The following DCC variants were observed in gnomAD, a reference collection of about 807,000 sequenced individuals.
The protein encoded by DCC is DCC netrin 1 receptor.
A neutral mutation model predicts 172.5 loss-of-function variants in DCC; 58 were observed. The ratio of observed to expected loss-of-function variants is 0.34; its 90% confidence interval spans 0.27 to 0.42. DCC has a LOEUF of 0.42. Among genes scored for constraint, DCC ranks in the 10% least tolerant of loss-of-function variants. The pLI is 1.00. For synonymous variants in DCC, 709 were observed against 644.5 expected, an observed-to-expected ratio of 1.10 and a Z score of -1.52; for missense variants, 1,740 against 1,791.0, an observed-to-expected ratio of 0.97 and a Z score of 0.51.
intron 1 of DCC, among the ~76,000 whole-genome samples, chr18:52,693,247 A>G (rs986497524): frequency 4.0e-5 from 6 of 151,402 alleles, no homozygotes; most frequent in Non-Finnish European, 8.8e-5. Context: ...GGGCAGTTAT[A>G]CATATATAGA....
chr18:52,398,821 A>C (rs564960901), intron 1 of DCC, among the ~76,000 whole-genome samples: 17 of 152,016 alleles, frequency 1.1e-4, no homozygotes, highest in Admixed American at 1.1e-3. Context: ...TATTTTCTTC[A>C]TATGTACATA....
chr18:53,094,212 G>T (rs1451535419), intron 7 of DCC, among the ~76,000 whole-genome samples: 4 of 152,092 alleles, frequency 2.6e-5, no homozygotes, highest in African/African-American at 9.7e-5. Flanking sequence ...AAAACAGATT[G>T]GTTTTGTAAT....
At chr18:52,785,962 A>G (rs1025595369) in intron 2 of DCC, among the ~76,000 whole-genome samples, 3 of 152,076 alleles carry the variant, frequency 2.0e-5, no homozygotes, top group Admixed American at 6.6e-5. Flanking sequence ...TATCCCTGCT[A>G]TAAGGATAAT....
At chr18:53,001,669 G>A (rs990459209) in intron 5 of DCC, among the ~76,000 whole-genome samples, 13 of 152,006 alleles carry the variant, frequency 8.6e-5, no homozygotes, top group African/African-American at 2.7e-4. Flanking sequence ...TCATACACGT[G>A]TTTTTGTTTT....
At chr18:53,468,104 T>A (rs1020750576) in intron 25 of DCC, 94 bp downstream of exon 25, 7 of 758,508 alleles carry the variant, frequency 9.2e-6, no homozygotes, top group Admixed American at 1.8e-5. Context: ...AATTATAATT[T>A]TCCCTGAACT....
intron 1 of DCC, among the ~76,000 whole-genome samples, chr18:52,740,926 A>G (rs9958020): frequency 0.57 from 87,200 of 151,912 alleles, 25,176 homozygotes; most frequent in East Asian, 0.79. Context: ...AATAGGTGTG[A>G]ACTCATAGAC....
intron 9 of DCC, among the ~76,000 whole-genome samples, chr18:53,187,258 G>T (rs2055296874): frequency 6.6e-6 from 1 of 151,842 alleles, no homozygotes; most frequent in Admixed American, 6.6e-5. Context: ...AAGTGGCTGG[G>T]ATTACAGGCT....
At chr18:52,369,571 G>A (rs1985026890) in intron 1 of DCC, among the ~76,000 whole-genome samples, 1 of 151,932 alleles carries the variant, frequency 6.6e-6, no homozygotes, top group Non-Finnish European at 1.5e-5. Flanking sequence ...TGCAAATGGA[G>A]GACATCACAG....
intron 21 of DCC, among the ~76,000 whole-genome samples, chr18:53,425,135 G>A (rs1490632018): frequency 6.6e-6 from 1 of 150,964 alleles, no homozygotes; most frequent in Non-Finnish European, 1.5e-5. Context: ...CACTTCTGTT[G>A]TACCTTTTCT....
At chr18:52,902,410 A>T (rs2039823004) in intron 2 of DCC, among the ~76,000 whole-genome samples, 1 of 152,148 alleles carries the variant, frequency 6.6e-6, no homozygotes, top group South Asian at 2.1e-4. Context: ...AACGGATCAG[A>T]TGTGGCCTAA....
chr18:53,288,050 A>G (rs965993853), intron 12 of DCC, among the ~76,000 whole-genome samples: 1 of 152,132 alleles, frequency 6.6e-6, no homozygotes, highest in African/African-American at 2.4e-5. Flanking sequence ...TCATCTGCAT[A>G]CAGGATGTTT....
chr18:53,241,130 G>A (rs1047958409), intron 12 of DCC, among the ~76,000 whole-genome samples: 2 of 152,150 alleles, frequency 1.3e-5, no homozygotes, highest in Non-Finnish European at 2.9e-5. Flanking sequence ...GAGAATGGAT[G>A]AGAGTGATCA....
intron 1 of DCC, among the ~76,000 whole-genome samples, chr18:52,570,075 T>C (rs2033257216): frequency 6.6e-6 from 1 of 152,180 alleles, no homozygotes; most frequent in Admixed American, 6.6e-5. Flanking sequence ...GCTCCCTCAG[T>C]TATATATAGA....
At chr18:52,806,850 A>G (rs1339268488) in intron 2 of DCC, among the ~76,000 whole-genome samples, 1 of 152,148 alleles carries the variant, frequency 6.6e-6, no homozygotes, top group Non-Finnish European at 1.5e-5. Context: ...AGTCTTAGCC[A>G]GTTTGGTCAT....
intron 2 of DCC, among the ~76,000 whole-genome samples, chr18:52,774,938 TAAG>T (rs1483316402): frequency 6.6e-6 from 1 of 152,204 alleles, no homozygotes; most frequent in African/African-American, 2.4e-5. Context: ...AAGAAAGTGA[TAAG>T]AGCCATTTCA....
intron 5 of DCC, among the ~76,000 whole-genome samples, chr18:52,960,288 T>C (rs1023512400): frequency 6.6e-6 from 1 of 152,154 alleles, no homozygotes; most frequent in Non-Finnish European, 1.5e-5. Flanking sequence ...TTTCCTGTAA[T>C]TAAAATTTTT....
At chr18:53,075,461 C>T (rs543308764) in intron 7 of DCC, among the ~76,000 whole-genome samples, 1 of 151,806 alleles carries the variant, frequency 6.6e-6, no homozygotes, top group Non-Finnish European at 1.5e-5. Flanking sequence ...AATAATAAAT[C>T]CATACAATAT....
At chr18:52,739,594 C>A (rs980891776) in intron 1 of DCC, among the ~76,000 whole-genome samples, 2 of 152,122 alleles carry the variant, frequency 1.3e-5, no homozygotes, top group Non-Finnish European at 2.9e-5. Context: ...GACTTTCTGT[C>A]TCTGCACAGG....
intron 1 of DCC, among the ~76,000 whole-genome samples, chr18:52,475,383 T>C (rs1436386658): frequency 6.6e-6 from 1 of 152,190 alleles, no homozygotes; most frequent in Non-Finnish European, 1.5e-5. Context: ...TAATAAATAA[T>C]ACCATTAAAT....
Sources: gnomAD v4.1 joint callset for allele counts (sites outside exome capture counted in the v4.1 genomes callset) on GRCh38, gnomAD v4.1.1 for gene constraint, MANE v1.5 for transcripts, NCBI Gene and HGNC (gene_info 2026-07-23, HGNC 2026-07-21) for gene names.